HDGFL3: variants seen among roughly 807,000 people sequenced by gnomAD.
The protein encoded by HDGFL3 is HDGF like 3, also known as hepatoma-derived growth factor-related protein 3.
Under a neutral mutation model 27.6 loss-of-function variants are expected in HDGFL3, and 6 were observed. The observed-to-expected ratio is 0.22, with a 90% CI of 0.12 to 0.43. The LOEUF is 0.43. Ranked by LOEUF, HDGFL3 falls within the 20% of genes least tolerant of loss-of-function variation. The probability of loss-of-function intolerance (pLI) is 1.00; values close to 1 mark genes in which losing one functional copy is unlikely to be tolerated. For synonymous variants in HDGFL3, 88 were observed against 88.9 expected (o/e 0.99, Z 0.05); for missense variants, 207 against 250.1 (o/e 0.83, Z 1.16).
At chr15:83,182,673 G>A (rs980444501) in intron 1 of HDGFL3, among the ~76,000 whole-genome samples, 13 of 151,980 alleles carry the variant, frequency 8.6e-5, no homozygotes, top group East Asian at 1.9e-4. Flanking sequence ...AATTTTCTGG[G>A]GTAATGGTAA....
At chr15:83,143,671 C>T (rs901870649) in intron 5 of HDGFL3, among the ~76,000 whole-genome samples, 1 of 152,116 alleles carries the variant, frequency 6.6e-6, no homozygotes, top group Non-Finnish European at 1.5e-5. Flanking sequence ...CAAAGATAAA[C>T]TGGGGTCAGC....
Position 83,133,334 on chromosome 15 carries a change from ACT to A in HDGFL3, c.*5934_*5935del, listed in dbSNP as rs2036385230. Reference sequence around the variant, plus strand: ...TATAACATTCACATGGACATATAACACTCTTTCAGTTCCTCCTTGTGGAACCA... The same window carrying A: ...TATAACATTCACATGGACATATAACACTTTCAGTTCCTCCTTGTGGAACCA... On this transcript the variant is annotated 3_prime_UTR_variant, in exon 6 of 6. Transcript: ENST00000299633. 4 of 152,148 alleles carry A rather than the reference ACT, an allele frequency of 2.6e-5. No homozygotes were observed. The highest frequency in any genetic ancestry group is 7.2e-5 in the African/African-American group (3 of 41,514). 9.4% of individuals were successfully genotyped at this position (152,148 alleles called of 1,614,324 possible). A position where few individuals can be genotyped will look rare whatever the true frequency, so the allele number is the denominator to read the frequency against.
intron 2 of HDGFL3, among the ~76,000 whole-genome samples, chr15:83,160,547 T>TGG (rs140522807): frequency 2.2e-5 from 3 of 135,230 alleles, no homozygotes; most frequent in African/African-American, 8.1e-5. Context: ...GGAAATATTT[T>TGG]GGGGGGGGAA....
Position 83,158,055 on chromosome 15 carries a change from T to C in HDGFL3, c.162-14A>G, listed in dbSNP as rs747631294. 1 of 1,586,582 alleles carries C rather than the reference T, an allele frequency of 6.3e-7. No individual in the cohort carries two copies. The highest frequency in any genetic ancestry group is 1.9e-5 in the Admixed American group (1 of 52,346). On this transcript the variant is annotated splice_polypyrimidine_tract_variant and intron_variant, in intron 2 of 5. Transcript: ENST00000299633. ...CCTAGAAATGCACTGCAGAGACATA[T>C]TAGAAATAGAATTGACACACTGACC...
intron 1 of HDGFL3, among the ~76,000 whole-genome samples, chr15:83,187,887 C>CAAAAAAAAA (rs748482520): frequency 1.3e-5 from 1 of 75,532 alleles, no homozygotes; most frequent in African/African-American, 4.9e-5. Context: ...AACTCTGTCT[C>CAAAAAAAAA]AAAAAAAAAA....
Position 83,137,054 on chromosome 15 carries a change from T to C in HDGFL3, c.*2216A>G, listed in dbSNP as rs1388542093. On this transcript the variant is annotated 3_prime_UTR_variant, in exon 6 of 6. Coordinates refer to ENST00000299633, the MANE Select transcript of HDGFL3 (RefSeq NM_016073.4). ...ATATTAAAAAATTCAAAACAGTGAA[T>C]GCAGACTGGAGGAGTAACTTTTGCA... 1.3e-5 allele frequency: 2 copies of C among 154,828 alleles called. No individual in the cohort carries two copies. Among genetic ancestry groups the C allele is most frequent in the African/African-American group, 4.8e-5 (2 of 41,556 alleles). 9.6% of individuals were successfully genotyped at this position (154,828 alleles called of 1,614,324 possible). A position where few individuals can be genotyped will look rare whatever the true frequency, so the allele number is the denominator to read the frequency against.
rs567237544 is a variant in HDGFL3, at chr15:83,155,913, T to A, written c.459+1502A>T. ...TTTCAGTTTCTAAAAGGTGAATAAT[T>A]TTCACAATCTCAGAGTTCTTTCCAT... On this transcript the variant is annotated intron_variant, in intron 4 of 5. Coordinates refer to ENST00000299633, the MANE Select transcript of HDGFL3 (RefSeq NM_016073.4). Among the ~76,000 whole-genome samples, 3 of 152,308 alleles carry A rather than the reference T, an allele frequency of 2.0e-5. No individual in the cohort carries two copies. The East Asian group carries it at 5.8e-4, about 29-fold the overall frequency.
intron 2 of HDGFL3, among the ~76,000 whole-genome samples, chr15:83,162,127 A>C (rs1406527952): frequency 6.6e-6 from 1 of 152,186 alleles, no homozygotes; most frequent in Admixed American, 6.5e-5. Flanking sequence ...ATTTTAATTT[A>C]ATTGATAGCT....
At chr15:83,155,876 C>T (rs1001380288) in intron 4 of HDGFL3, among the ~76,000 whole-genome samples, 1 of 152,104 alleles carries the variant, frequency 6.6e-6, no homozygotes, top group Non-Finnish European at 1.5e-5. Flanking sequence ...TTCAAGGATC[C>T]ATTTATCTTG....
At chr15:83,185,351 T>C (rs2037429591) in intron 1 of HDGFL3, among the ~76,000 whole-genome samples, 1 of 152,186 alleles carries the variant, frequency 6.6e-6, no homozygotes, top group African/African-American at 2.4e-5. Context: ...TTCAAGAGCC[T>C]AGAAGTCATA....
rs2036095707 is a variant in HDGFL3 at position 83,129,889 on chromosome 15, C to T, written c.*9381G>A. Reference sequence around the variant, plus strand: ...TTTTTTTTTGGCCTGGTTCCTCTGCCTTATTCTCCTGTATCCTTCAGAACA... The same window carrying T: ...TTTTTTTTTGGCCTGGTTCCTCTGCTTTATTCTCCTGTATCCTTCAGAACA... On this transcript the variant is annotated 3_prime_UTR_variant, in exon 6 of 6. Transcript: ENST00000299633. 6.6e-6 allele frequency: 1 copy of T among 152,282 alleles called. No individual in the cohort carries two copies. The allele number at this position is 152,282 out of a possible 1,614,324, so 9.4% of individuals were successfully genotyped here.
exon 4 of HDGFL3, chr15:83,112,846 C>T (rs80329914): frequency 0.059 from 94,832 of 1,613,686 alleles, 3,212 homozygotes; most frequent in Non-Finnish European, 0.068. Context: ...CCTGGTAGCA[C>T]TGCTGGCTCG....
intron 1 of HDGFL3, among the ~76,000 whole-genome samples, chr15:83,184,070 A>T (rs1470487159): frequency 8.5e-5 from 13 of 152,252 alleles, no homozygotes. Context: ...CTAAATTCAG[A>T]TACATGTAAA....
chr15:83,169,243 T>C (rs1044945428), intron 1 of HDGFL3: 25 of 446,432 alleles, frequency 5.6e-5, no homozygotes, highest in African/African-American at 1.0e-4. Flanking sequence ...CTATTCAACA[T>C]AGTACTGGAA....
chr15:83,149,855 G>A (rs2036942590), intron 5 of HDGFL3, among the ~76,000 whole-genome samples: 1 of 152,176 alleles, frequency 6.6e-6, no homozygotes, highest in South Asian at 2.1e-4. Flanking sequence ...GGAGCCAGTG[G>A]AAAAGAAGAT....
intron 3 of HDGFL3, chr15:83,121,957 A>T: frequency 6.2e-7 from 1 of 1,611,162 alleles, no homozygotes. Flanking sequence ...ATTGGGTTGG[A>T]TCTATTATTA....
At position 83,139,625 on chromosome 15, in the gene HDGFL3, T is replaced by C. The variant is rs560570703; in HGVS notation, c.607-350A>G. On this transcript the variant is annotated intron_variant, in intron 5 of 5. Coordinates refer to ENST00000299633, the MANE Select transcript of HDGFL3 (RefSeq NM_016073.4). ...AGTGGAGAAATTGATATAATCTATC[T>C]TTGTGAGGACATTCTTCAGAAAGAA... 5.3e-5 allele frequency among the ~76,000 whole-genome samples: 8 copies of C among 152,326 alleles called. No homozygotes were observed. The South Asian group carries it at 1.7e-3, about 32-fold the overall frequency.
intron 1 of HDGFL3, among the ~76,000 whole-genome samples, chr15:83,188,601 TATGTA>T (rs1170748125): frequency 6.6e-6 from 1 of 152,210 alleles, no homozygotes; most frequent in Non-Finnish European, 1.5e-5. Context: ...ATTTATTCAT[TATGTA>T]ATGTATCCAT....
rs577351774 is a variant in HDGFL3 at position 83,127,976 on chromosome 15, A to C, written c.*11294T>G. 6.5e-6 allele frequency: 1 copy of C among 155,006 alleles called. No homozygotes were observed. The highest frequency in any genetic ancestry group is 1.4e-5 in the Non-Finnish European group (1 of 70,108). 9.6% of individuals were successfully genotyped at this position (155,006 alleles called of 1,614,324 possible). ...CCTTGCCAAATATTTGGCCTAGAGT[A>C]GGTGTTCAGTGAATGCTTACTGCGT... On this transcript the variant is annotated 3_prime_UTR_variant, in exon 6 of 6. Coordinates refer to ENST00000299633, the MANE Select transcript of HDGFL3 (RefSeq NM_016073.4).
Sources: allele counts gnomAD v4.1 joint callset (sites outside exome capture counted in the v4.1 genomes callset), GRCh38; gene constraint gnomAD v4.1.1; transcripts MANE v1.5; gene names NCBI Gene and HGNC (gene_info 2026-07-23, HGNC 2026-07-21).